The following NRG4 variants were observed in gnomAD, a reference collection of about 807,000 sequenced individuals.
NRG4 encodes the protein neuregulin 4.
A neutral mutation model predicts 15.0 loss-of-function variants in NRG4; 10 were observed. The observed-to-expected ratio is 0.67, with a 90% CI of 0.41 to 1.13. NRG4 has a LOEUF of 1.13. Ranked by LOEUF, NRG4 falls within the 50% of genes most tolerant of loss-of-function variation. The pLI, the probability that NRG4 is intolerant of heterozygous loss-of-function variation, is 0.00. For synonymous variants in NRG4, 41 were observed against 50.1 expected (o/e 0.82, Z 0.77); for missense variants, 139 against 140.2 (o/e 0.99, Z 0.04).
In NRG4 at chr15:75,990,288, A is replaced by T. The variant is rs75335155; in HGVS notation, c.104+18912T>A. 3.0e-3 allele frequency among the ~76,000 whole-genome samples: 458 copies of T among 152,196 alleles called. 5 individuals carry two copies. The highest frequency in any genetic ancestry group is 0.018 in the East Asian group (95 of 5,168). On this transcript the variant is annotated intron_variant, in intron 3 of 5. Coordinates refer to ENST00000394907, the MANE Select transcript of NRG4 (RefSeq NM_138573.4). ...GGTAGTGCATCCACAAATTTCAGCC[A>T]TGTCAACCTCCCTGACCTCTGATCT...
intron 3 of NRG4, among the ~76,000 whole-genome samples, chr15:75,996,551 G>A (rs1481317084): frequency 6.6e-6 from 1 of 152,126 alleles, no homozygotes; most frequent in Non-Finnish European, 1.5e-5. Flanking sequence ...CTAGATAATA[G>A]TTCCTGACAT....
At chr15:76,007,575 G>A (rs745407616) in intron 3 of NRG4, among the ~76,000 whole-genome samples, 1 of 151,714 alleles carries the variant, frequency 6.6e-6, no homozygotes, top group Non-Finnish European at 1.5e-5. Context: ...GACTACAGGC[G>A]CCCACCATCA....
At chr15:76,058,614 G>A (rs1052103782) in intron 1 of NRG4, among the ~76,000 whole-genome samples, 2 of 152,108 alleles carry the variant, frequency 1.3e-5, no homozygotes, top group Non-Finnish European at 2.9e-5. Context: ...GAGGCCAACT[G>A]GACCTAATCA....
chr15:76,008,798 C>T (rs1264684842), intron 3 of NRG4, among the ~76,000 whole-genome samples: 1 of 152,098 alleles, frequency 6.6e-6, no homozygotes, highest in African/African-American at 2.4e-5. Flanking sequence ...ACTCAGTTAT[C>T]ATGTGTTTAT....
chr15:76,052,473 G>A (rs975670613), intron 3 of NRG4, among the ~76,000 whole-genome samples: 3 of 151,038 alleles, frequency 2.0e-5, no homozygotes, highest in Non-Finnish European at 4.4e-5. Context: ...TGGTGGTGAG[G>A]AGCCACTTCA....
chr15:75,981,188 T>C (rs1220943909), intron 3 of NRG4, among the ~76,000 whole-genome samples: 2 of 152,190 alleles, frequency 1.3e-5, no homozygotes, highest in South Asian at 2.1e-4. Context: ...AAGTTAGGCA[T>C]TAACAGATCA....
chr15:76,024,846 C>T (rs1410907738), intron 5 of NRG4, among the ~76,000 whole-genome samples: 1 of 152,170 alleles, frequency 6.6e-6, no homozygotes, highest in Non-Finnish European at 1.5e-5. Context: ...AGGCACCCCA[C>T]CAAACTGACA....
chr15:76,008,609 C>G (rs1321527261), intron 3 of NRG4, among the ~76,000 whole-genome samples: 4 of 152,096 alleles, frequency 2.6e-5, no homozygotes, highest in African/African-American at 9.7e-5. Flanking sequence ...AATCAGGCTA[C>G]AGAAGTACTA....
upstream of NRG4, among the ~76,000 whole-genome samples, chr15:76,016,769 A>G (rs1178387029): frequency 6.6e-6 from 1 of 152,158 alleles, no homozygotes; most frequent in African/African-American, 2.4e-5. Context: ...GGTCAATTTT[A>G]GGATAATTGC....
intron 5 of NRG4, among the ~76,000 whole-genome samples, chr15:76,025,894 A>G (rs1020952724): frequency 3.3e-5 from 5 of 151,976 alleles, no homozygotes; most frequent in African/African-American, 1.2e-4. Flanking sequence ...AAAAAAAAAA[A>G]TGCAAGTGAG....
rs568700007 is a variant in NRG4 at position 76,053,602 on chromosome 15, C to T, written c.-261-619G>A. 1.1e-3 allele frequency among the ~76,000 whole-genome samples: 160 copies of T among 150,566 alleles called. 5 individuals carry two copies. In the South Asian group the frequency reaches 0.031, roughly 29 times the overall value. On this transcript the variant is annotated intron_variant, in intron 2 of 8. Coordinates refer to the NRG4 transcript ENST00000563910. ...TTGCTCTGTCTCAGGAGCAGTGGCA[C>T]CTGGAGCACAGTGGCACAATCTTGG...
intron 1 of NRG4, chr15:76,057,088 C>CA (rs903996628): frequency 2.0e-5 from 3 of 152,202 alleles, no homozygotes; most frequent in African/African-American, 7.2e-5. Context: ...CTTATACTTT[C>CA]CTGTTGCTAC....
intron 3 of NRG4, among the ~76,000 whole-genome samples, chr15:75,984,343 C>T (rs1362103727): frequency 6.6e-6 from 1 of 152,028 alleles, no homozygotes; most frequent in Non-Finnish European, 1.5e-5. Flanking sequence ...TGCTGTGAAC[C>T]TAAAACTGCC....
chr15:76,009,069 C>A, intron 3 of NRG4, 131 bp downstream of exon 3: 2 of 626,388 alleles, frequency 3.2e-6, no homozygotes, highest in Non-Finnish European at 2.9e-6. Context: ...GGATAATTTT[C>A]CCTAAATAAA....
At chr15:76,018,776 G>A (rs2035063772) in intron 5 of NRG4, among the ~76,000 whole-genome samples, 1 of 152,170 alleles carries the variant, frequency 6.6e-6, no homozygotes, top group Non-Finnish European at 1.5e-5. Flanking sequence ...CCCCTACTGG[G>A]AGGTGTCTCC....
At chr15:75,948,429 A>G (rs1275570827) in intron 5 of NRG4, among the ~76,000 whole-genome samples, 2 of 152,020 alleles carry the variant, frequency 1.3e-5, no homozygotes, top group Non-Finnish European at 2.9e-5. Context: ...CCTCCTGAGT[A>G]GCTGGGACTA....
chr15:75,954,323 C>T lies in NRG4; in HGVS notation c.331+1609G>A, dbSNP rs114326495. Among the ~76,000 whole-genome samples, 1,199 of 150,878 alleles carry T rather than the reference C, an allele frequency of 7.9e-3. 20 individuals are homozygous for T. Among genetic ancestry groups the T allele is most frequent in the African/African-American group, 0.027 (1,121 of 41,062 alleles). ...CATCTCTGGAAGTTTGGTTTGGGTC[C>T]TTTAAAAATATATCTTCCATGTTTC... On this transcript the variant is annotated intron_variant, in intron 5 of 5. Transcript: ENST00000394907.
chr15:76,040,032 C>T (rs996798810), intron 4 of NRG4, among the ~76,000 whole-genome samples: 1 of 151,844 alleles, frequency 6.6e-6, no homozygotes, highest in Non-Finnish European at 1.5e-5. Flanking sequence ...GACTCTGTAC[C>T]TGCCACCCCG....
intron 3 of NRG4, among the ~76,000 whole-genome samples, chr15:75,969,854 T>C (rs1468261507): frequency 1.3e-5 from 2 of 152,242 alleles, no homozygotes; most frequent in African/African-American, 4.8e-5. Flanking sequence ...AGTTGTTTTA[T>C]GCATTTTAAA....
Sources: allele counts gnomAD v4.1 joint callset (sites outside exome capture counted in the v4.1 genomes callset), GRCh38; gene constraint gnomAD v4.1.1; transcripts MANE v1.5; gene names NCBI Gene and HGNC (gene_info 2026-07-23, HGNC 2026-07-21).